The following NRXN3 variants were observed in gnomAD, a reference collection of about 807,000 sequenced individuals.
NRXN3 encodes neurexin III.
Under a neutral mutation model 137.6 loss-of-function variants are expected in NRXN3, and 32 were observed. The observed-to-expected ratio is 0.23, with a 90% CI of 0.18 to 0.31. NRXN3 has a LOEUF of 0.31. NRXN3 is among the 10% of genes least tolerant of loss of function. The pLI is 1.00. For synonymous variants in NRXN3, 798 were observed against 784.5 expected, an observed-to-expected ratio of 1.02 and a Z score of -0.29; for missense variants, 1,574 against 2,062.5, an observed-to-expected ratio of 0.76 and a Z score of 4.59.
intron 8 of NRXN3, among the ~76,000 whole-genome samples, chr14:78,751,560 A>G (rs2098642466): frequency 6.6e-6 from 1 of 152,084 alleles, no homozygotes; most frequent in Non-Finnish European, 1.5e-5. Context: ...AGATCACATT[A>G]AGCTCCTCAA....
chr14:78,582,168 A>G (rs1473030362), intron 4 of NRXN3, among the ~76,000 whole-genome samples: 1 of 152,198 alleles, frequency 6.6e-6, no homozygotes, highest in East Asian at 1.9e-4. Flanking sequence ...GAGCTACTTC[A>G]TGATGTTGGA....
At chr14:79,098,507 T>C (rs2050733640) in intron 15 of NRXN3, among the ~76,000 whole-genome samples, 1 of 152,222 alleles carries the variant, frequency 6.6e-6, no homozygotes, top group South Asian at 2.1e-4. Flanking sequence ...GGGTTTGCTG[T>C]GTGCTTTCCC....
At chr14:78,451,100 A>G (rs1384981851) in intron 4 of NRXN3, among the ~76,000 whole-genome samples, 2 of 152,120 alleles carry the variant, frequency 1.3e-5, no homozygotes, top group East Asian at 1.9e-4. Flanking sequence ...GTCTCTGGCC[A>G]CCTCTTCCCC....
chr14:78,472,034 T>C lies in NRXN3; in HGVS notation c.758-173086T>C, dbSNP rs537764514. On this transcript the variant is annotated intron_variant, in intron 4 of 20. Transcript: ENST00000335750. The stretch of plus-strand genomic sequence containing the variant: ...GGCTGTAAAAGATGGAACCTAAGCC[T>C]TTCCAAGCCAGAATTCTGTGCTTTG... Among the ~76,000 whole-genome samples, 6 of 152,316 alleles carry C rather than the reference T, an allele frequency of 3.9e-5. No homozygotes were observed. The South Asian group carries it at 8.3e-4, about 21-fold the overall frequency.
At chr14:78,889,354 G>T (rs1341519765) in intron 10 of NRXN3, among the ~76,000 whole-genome samples, 1 of 151,952 alleles carries the variant, frequency 6.6e-6, no homozygotes, top group African/African-American at 2.4e-5. Context: ...GCTGAGTGCA[G>T]TTTTGCTTTC....
chr14:78,443,511 T>C (rs931457009), intron 4 of NRXN3, among the ~76,000 whole-genome samples: 1 of 152,176 alleles, frequency 6.6e-6, no homozygotes, highest in African/African-American at 2.4e-5. Context: ...GTATAGTTTA[T>C]ATTTGTACCT....
intron 8 of NRXN3, among the ~76,000 whole-genome samples, chr14:78,797,231 GAACAAACAATTAGA>G (rs1465689437): frequency 1.3e-5 from 2 of 152,104 alleles, no homozygotes; most frequent in African/African-American, 4.8e-5. Flanking sequence ...ATGAACATAT[GAACAAACAATTAGA>G]AATAAACCTA....
At chr14:79,125,865 ATAC>A (rs2056329888) in intron 15 of NRXN3, among the ~76,000 whole-genome samples, 3 of 152,124 alleles carry the variant, frequency 2.0e-5, no homozygotes. Flanking sequence ...TGCATGATGT[ATAC>A]TTACTCAGAA....
At chr14:78,525,471 G>A (rs1335385946) in intron 4 of NRXN3, among the ~76,000 whole-genome samples, 3 of 152,100 alleles carry the variant, frequency 2.0e-5, no homozygotes, top group Non-Finnish European at 4.4e-5. Context: ...TAAGATTGGG[G>A]CATCCTTCAT....
intron 19 of NRXN3, among the ~76,000 whole-genome samples, chr14:79,718,493 T>C (rs939649190): frequency 1.4e-4 from 22 of 152,228 alleles, no homozygotes; most frequent in African/African-American, 5.1e-4. Flanking sequence ...AAGATTACTC[T>C]GCCATGTTGA....
chr14:79,005,919 T>C (rs1336300134), intron 15 of NRXN3, among the ~76,000 whole-genome samples: 1 of 152,242 alleles, frequency 6.6e-6, no homozygotes, highest in Non-Finnish European at 1.5e-5. Flanking sequence ...ATTGTAGCAC[T>C]GATCTTACAC....
intron 15 of NRXN3, among the ~76,000 whole-genome samples, chr14:79,463,073 AAAC>A (rs2096374185): frequency 6.6e-6 from 1 of 152,184 alleles, no homozygotes; most frequent in African/African-American, 2.4e-5. Context: ...TTCTAAGTCA[AAAC>A]AACAACAACA....
intron 15 of NRXN3, among the ~76,000 whole-genome samples, chr14:79,385,485 C>T (rs1252812446): frequency 6.6e-6 from 1 of 152,042 alleles, no homozygotes; most frequent in Non-Finnish European, 1.5e-5. Flanking sequence ...GATCAGCAAT[C>T]TATGCTTTGA....
chr14:78,619,349 T>G (rs2097376203), intron 4 of NRXN3, among the ~76,000 whole-genome samples: 1 of 152,190 alleles, frequency 6.6e-6, no homozygotes, highest in Non-Finnish European at 1.5e-5. Context: ...GTTGAAGCCC[T>G]AATCCCCAAT....
intron 11 of NRXN3, among the ~76,000 whole-genome samples, chr14:78,958,512 C>T (rs548097916): frequency 1.3e-4 from 20 of 152,052 alleles, no homozygotes; most frequent in South Asian, 1.2e-3. Context: ...CCTGCCACCA[C>T]GCCTGGCTAA....
At chr14:79,277,058 A>C (rs556623087) in intron 15 of NRXN3, among the ~76,000 whole-genome samples, 1 of 152,298 alleles carries the variant, frequency 6.6e-6, no homozygotes, top group African/African-American at 2.4e-5. Context: ...GCTGTCAAGG[A>C]AATAAAACAA....
chr14:79,395,446 A>G (rs1224957049), intron 15 of NRXN3, among the ~76,000 whole-genome samples: 1 of 152,180 alleles, frequency 6.6e-6, no homozygotes, highest in Non-Finnish European at 1.5e-5. Context: ...ATATACTGTC[A>G]AAAACTGTTT....
At chr14:78,778,746 CTT>C (rs2098755240) in intron 8 of NRXN3, among the ~76,000 whole-genome samples, 3 of 120,584 alleles carry the variant, frequency 2.5e-5, no homozygotes, top group East Asian at 2.4e-4. Flanking sequence ...CTCTTTCTTT[CTT>C]TCCTTCTTTC....
At position 78,568,558 on chromosome 14, in the gene NRXN3, A is replaced by G. The variant is rs1467142173; in HGVS notation, c.758-76562A>G. On this transcript the variant is annotated intron_variant, in intron 4 of 20. Coordinates refer to ENST00000335750, the MANE Select transcript of NRXN3 (RefSeq NM_001330195.2). ...TATCCCAGACTTTGGTAATTTATGT[A>G]TCAGGTTCACTATTTTCACCATAAC... 3.3e-5 allele frequency among the ~76,000 whole-genome samples: 5 copies of G among 152,326 alleles called. 1 individual carries two copies. Among genetic ancestry groups the G allele is most frequent in the Admixed American group, 2.6e-4 (4 of 15,298 alleles).
Sources: gnomAD v4.1 joint callset for allele counts (sites outside exome capture counted in the v4.1 genomes callset) on GRCh38, gnomAD v4.1.1 for gene constraint, MANE v1.5 for transcripts, NCBI Gene and HGNC (gene_info 2026-07-23, HGNC 2026-07-21) for gene names.